The following VAV3 variants were observed in gnomAD, a reference collection of about 807,000 sequenced individuals.
VAV3 encodes the protein guanine nucleotide exchange factor VAV3.
VAV3 carries 94 observed loss-of-function variants against 131.2 expected under a neutral mutation model. That is an observed-to-expected ratio of 0.72 (90% CI 0.61 to 0.85). The LOEUF (loss-of-function observed/expected upper bound fraction) is 0.85, where lower values mean the gene tolerates loss of function less well. Among genes scored for constraint, VAV3 ranks in the 40% least tolerant of loss-of-function variants. VAV3 has a pLI of 0.00. For synonymous variants in VAV3, 349 were observed against 342.0 expected (o/e 1.02, Z -0.22); for missense variants, 939 against 1,002.7 (o/e 0.94, Z 0.86).
intron 4 of VAV3, among the ~76,000 whole-genome samples, chr1:107,774,471 T>C (rs1433371911): frequency 1.3e-5 from 2 of 152,360 alleles, no homozygotes; most frequent in East Asian, 3.9e-4. Flanking sequence ...GGTCTAGAAC[T>C]GTTTGGCTTT....
intron 15 of VAV3, among the ~76,000 whole-genome samples, chr1:107,708,650 C>T (rs1660596265): frequency 6.6e-6 from 1 of 152,144 alleles, no homozygotes; most frequent in Non-Finnish European, 1.5e-5. Flanking sequence ...TCCAGATATG[C>T]ATTCCTAACT....
At chr1:107,707,415 C>A (rs933136414) in intron 15 of VAV3, among the ~76,000 whole-genome samples, 2 of 152,154 alleles carry the variant, frequency 1.3e-5, no homozygotes, top group Non-Finnish European at 2.9e-5. Flanking sequence ...CCAAACTCAT[C>A]AAGTGATATA....
intron 15 of VAV3, among the ~76,000 whole-genome samples, chr1:107,746,013 G>A (rs1663321309): frequency 6.6e-6 from 1 of 152,184 alleles, no homozygotes; most frequent in African/African-American, 2.4e-5. Context: ...TGCTGCAGGA[G>A]TTATTTTCTT....
At chr1:107,749,166 C>T in intron 14 of VAV3, 89 bp from the exon 15 acceptor site, 1 of 993,328 alleles carries the variant, frequency 1.0e-6, no homozygotes. Flanking sequence ...CCAAAAACTC[C>T]TCACAATATT....
intron 1 of VAV3, among the ~76,000 whole-genome samples, chr1:107,919,543 A>C (rs1258075387): frequency 6.6e-6 from 1 of 152,190 alleles, no homozygotes; most frequent in Non-Finnish European, 1.5e-5. Flanking sequence ...AGGCCAGGAG[A>C]AGTTAAATGG....
At chr1:107,574,411 G>A (rs988286761) in intron 25 of VAV3, among the ~76,000 whole-genome samples, 1 of 152,130 alleles carries the variant, frequency 6.6e-6, no homozygotes, top group Non-Finnish European at 1.5e-5. Flanking sequence ...AAGAACCATT[G>A]TCCTGTTTTT....
chr1:107,767,386 T>C (rs1209234229), intron 7 of VAV3, among the ~76,000 whole-genome samples: 1 of 152,144 alleles, frequency 6.6e-6, no homozygotes, highest in Non-Finnish European at 1.5e-5. Flanking sequence ...CACAGCATGC[T>C]CTCTCCTTAG....
chr1:107,874,130 A>G (rs1326254753), intron 2 of VAV3, among the ~76,000 whole-genome samples: 1 of 152,192 alleles, frequency 6.6e-6, no homozygotes, highest in Non-Finnish European at 1.5e-5. Flanking sequence ...TCATAATGCA[A>G]TTACATCAGC....
intron 19 of VAV3, 83 bp from the exon 20 acceptor site, chr1:107,642,838 T>C: frequency 3.8e-6 from 6 of 1,576,934 alleles, no homozygotes; most frequent in Non-Finnish European, 4.3e-6. Flanking sequence ...AATGTCATTA[T>C]TAACATTAAA....
chr1:107,676,658 C>T (rs1270600842), intron 19 of VAV3, among the ~76,000 whole-genome samples: 1 of 152,072 alleles, frequency 6.6e-6, no homozygotes, highest in Non-Finnish European at 1.5e-5. Flanking sequence ...TAATCAAAAG[C>T]ATATTGGTTG....
At chr1:107,781,597 G>A (rs1294442744) in intron 2 of VAV3, among the ~76,000 whole-genome samples, 1 of 152,152 alleles carries the variant, frequency 6.6e-6, no homozygotes, top group South Asian at 2.1e-4. Context: ...CTTTAGGATA[G>A]TTCTAAAGGG....
chr1:107,622,810 AAAG>A (rs1365182883), intron 20 of VAV3, among the ~76,000 whole-genome samples: 1 of 152,184 alleles, frequency 6.6e-6, no homozygotes, highest in African/African-American at 2.4e-5. Flanking sequence ...GTGTTTGGGG[AAAG>A]AAGATGTACA....
At chr1:107,929,835 C>G (rs186530047) in intron 1 of VAV3, among the ~76,000 whole-genome samples, 2 of 152,088 alleles carry the variant, frequency 1.3e-5, no homozygotes, top group African/African-American at 4.8e-5. Context: ...TACTTATACA[C>G]AACAGAGTAC....
intron 17 of VAV3, among the ~76,000 whole-genome samples, chr1:107,695,060 C>T (rs780802827): frequency 6.6e-6 from 1 of 151,716 alleles, no homozygotes; most frequent in African/African-American, 2.4e-5. Flanking sequence ...GAAGGAAAGA[C>T]AGTAAAATAG....
At chr1:107,758,287 T>C (rs1156833814) in intron 10 of VAV3, among the ~76,000 whole-genome samples, 1 of 152,094 alleles carries the variant, frequency 6.6e-6, no homozygotes, top group Non-Finnish European at 1.5e-5. Context: ...AGATAATTAT[T>C]TGCCAAGCAT....
chr1:107,772,906 T>G, intron 4 of VAV3, 63 bp from the exon 5 acceptor site: 1 of 1,364,234 alleles, frequency 7.3e-7, no homozygotes, highest in Non-Finnish European at 1.0e-6. Flanking sequence ...TAGCTACAAA[T>G]AGCCTACTGG....
chr1:107,887,365 C>T (rs201422146), intron 1 of VAV3, among the ~76,000 whole-genome samples: 1 of 152,236 alleles, frequency 6.6e-6, no homozygotes, highest in East Asian at 1.9e-4. Context: ...CAATAATACT[C>T]TCATAAATAA....
At chr1:107,787,265 A>C (rs1400471787) in intron 2 of VAV3, among the ~76,000 whole-genome samples, 1 of 152,172 alleles carries the variant, frequency 6.6e-6, no homozygotes, top group Admixed American at 6.5e-5. Flanking sequence ...TGAACACTTC[A>C]TTCTGTGCTA....
At chr1:107,668,659 A>G in intron 19 of VAV3, 1 of 985,424 alleles carries the variant, frequency 1.0e-6, no homozygotes, top group Non-Finnish European at 1.2e-6. Flanking sequence ...GTAGTGAGAG[A>G]AAGAAACTAC....
Sources: allele counts gnomAD v4.1 joint callset (sites outside exome capture counted in the v4.1 genomes callset), GRCh38; gene constraint gnomAD v4.1.1; transcripts MANE v1.5; gene names NCBI Gene and HGNC (gene_info 2026-07-23, HGNC 2026-07-21).